HK1: variants seen among roughly 807,000 people sequenced by gnomAD.
HK1 encodes hexokinase-1.
HK1 carries 28 observed loss-of-function variants against 91.6 expected under a neutral mutation model. That is an observed-to-expected ratio of 0.31 (90% CI 0.23 to 0.42). The LOEUF (loss-of-function observed/expected upper bound fraction) is 0.42. Ranked by LOEUF, HK1 falls within the 10% of genes least tolerant of loss-of-function variation. The probability of loss-of-function intolerance (pLI) is 1.00; values close to 1 mark genes in which losing one functional copy is unlikely to be tolerated. For synonymous variants in HK1, 430 were observed against 468.1 expected (o/e 0.92, Z 1.05); for missense variants, 770 against 1,219.8 (o/e 0.63, Z 5.49).
intron 3 of HK1, among the ~76,000 whole-genome samples, chr10:69,291,290 A>G (rs1263822915): frequency 6.6e-6 from 1 of 152,220 alleles, no homozygotes; most frequent in Non-Finnish European, 1.5e-5. Flanking sequence ...TGGTGCTTGG[A>G]GGTCCAGGGA....
At position 69,272,637 on chromosome 10, in the gene HK1, T is replaced by C. The variant is rs375426467; in HGVS notation, c.-391+2529T>C. ...TTTGGGAAGTCAGTTATAATTCTTA[T>C]TACTGTTTTTCTGCAAGTTTTTTTT... On this transcript the variant is annotated intron_variant, in intron 1 of 21. Transcript: ENST00000360289. Among the ~76,000 whole-genome samples the C allele has an allele frequency of 9.6e-4, 127 of 132,834 alleles. 3 individuals carry two copies. In the South Asian group the frequency reaches 0.032, roughly 33 times the overall value. The allele number at this position is 132,834 out of a possible 152,430, so 87.1% of individuals were successfully genotyped here. A position where few individuals can be genotyped will look rare whatever the true frequency, so the allele number is the denominator to read the frequency against.
upstream of HK1, chr10:69,315,638 A>G (rs73265708): frequency 0.01 from 4,469 of 436,942 alleles, 143 homozygotes; most frequent in African/African-American, 0.069. Flanking sequence ...TGAAGTCAGC[A>G]CTGGAACAAC....
At chr10:69,398,320 G>A (rs1840232066) in intron 16 of HK1, among the ~76,000 whole-genome samples, 1 of 152,202 alleles carries the variant, frequency 6.6e-6, no homozygotes, top group African/African-American at 2.4e-5. Flanking sequence ...CATATCATGA[G>A]AAGCATACCA....
At chr10:69,341,143 A>AT (rs149050284) in intron 1 of HK1, among the ~76,000 whole-genome samples, 13,292 of 151,958 alleles carry the variant, frequency 0.087, 763 homozygotes, top group African/African-American at 0.16. Context: ...TCCTTTAAAA[A>AT]ATATATATAC....
At position 69,386,379 on chromosome 10, in the gene HK1, TGTA is replaced by T. The variant is rs778246321; in HGVS notation, c.1899_1901del (p.Val634del). 1 of 1,614,078 alleles carries T rather than the reference TGTA, an allele frequency of 6.2e-7. No homozygotes were observed. The highest frequency in any genetic ancestry group is 2.2e-5 in the East Asian group (1 of 44,886). ...AGGCAACAGACTGCGTGGGCCACGA[TGTA>T]GTCACCTTACTAAGGGATGCGATAA... On this transcript the variant is annotated inframe_deletion, in exon 13 of 18. Coordinates refer to ENST00000359426, the MANE Select transcript of HK1 (RefSeq NM_000188.3).
intron 13 of HK1, chr10:69,386,684 A>G (rs1444689724): frequency 2.7e-6 from 1 of 364,306 alleles, no homozygotes; most frequent in East Asian, 6.9e-5. Flanking sequence ...CGGGAGACTG[A>G]GGCAGAAGAA....
chr10:69,396,041 G>A (rs937757656), intron 16 of HK1, among the ~76,000 whole-genome samples: 1 of 152,164 alleles, frequency 6.6e-6, no homozygotes, highest in Non-Finnish European at 1.5e-5. Flanking sequence ...GGAGGCCAAA[G>A]CAGGTGAATC....
intron 1 of HK1, among the ~76,000 whole-genome samples, chr10:69,279,814 C>T (rs1048691153): frequency 6.6e-6 from 1 of 152,196 alleles, no homozygotes; most frequent in African/African-American, 2.4e-5. Context: ...TAACATTCTC[C>T]AGAATGTGGC....
intron 1 of HK1, among the ~76,000 whole-genome samples, chr10:69,321,841 T>C (rs955314772): frequency 2.0e-5 from 3 of 152,106 alleles, no homozygotes; most frequent in Admixed American, 6.6e-5. Flanking sequence ...TAATGGGTGC[T>C]GTTGAAGAGG....
At chr10:69,341,750 C>T (rs138466489) in intron 1 of HK1, among the ~76,000 whole-genome samples, 1 of 152,010 alleles carries the variant, frequency 6.6e-6, no homozygotes, top group Non-Finnish European at 1.5e-5. Flanking sequence ...GCCACCATGC[C>T]TGGCCTCTTC....
At chr10:69,386,302 C>G in intron 12 of HK1, 21 bp from the exon 13 acceptor site, 1 of 1,603,118 alleles carries the variant, frequency 6.2e-7, no homozygotes, top group African/African-American at 1.3e-5. Context: ...CAGGACTCTC[C>G]TGGTGCTTTT....
chr10:69,370,581 G>T lies in HK1; in HGVS notation c.875+957G>T, dbSNP rs1849945781. ...GAGCACTTACTATGTGCTGAGCTCT[G>T]TGCTAGGCTCTGAGGATCCAAAACA... On this transcript the variant is annotated intron_variant, in intron 7 of 17. Transcript: ENST00000359426. 3.9e-5 allele frequency among the ~76,000 whole-genome samples: 6 copies of T among 152,274 alleles called. No homozygotes were observed. In the South Asian group the frequency reaches 1.0e-3, roughly 26 times the overall value.
chr10:69,290,213 C>A (rs920730631), intron 3 of HK1, among the ~76,000 whole-genome samples: 1 of 152,158 alleles, frequency 6.6e-6, no homozygotes, highest in African/African-American at 2.4e-5. Context: ...CCATTTAAAT[C>A]ACTGCAGTGG....
intron 2 of HK1, among the ~76,000 whole-genome samples, chr10:69,344,661 G>A (rs1848458754): frequency 6.6e-6 from 1 of 152,224 alleles, no homozygotes; most frequent in Non-Finnish European, 1.5e-5. Flanking sequence ...AGGATTGTCT[G>A]TTTCTCCTCC....
In HK1 at chr10:69,401,612, T is replaced by C; in HGVS notation, c.*477T>C. The C allele has an allele frequency of 2.5e-6, 1 of 397,408 alleles. No homozygotes were observed. Among genetic ancestry groups the C allele is most frequent in the Non-Finnish European group, 4.9e-6 (1 of 202,378 alleles). 24.6% of individuals were successfully genotyped at this position (397,408 alleles called of 1,614,324 possible). A position where few individuals can be genotyped will look rare whatever the true frequency, so the allele number is the denominator to read the frequency against. On this transcript the variant is annotated 3_prime_UTR_variant, in exon 18 of 18. Coordinates refer to ENST00000359426, the MANE Select transcript of HK1 (RefSeq NM_000188.3). ...AGGCGAGTGTGGGCATAGCATTAGC[T>C]GCTTCCTCCCCTCCTGGCACCCACT...
chr10:69,284,782 GC>G (rs1272378653), intron 2 of HK1, among the ~76,000 whole-genome samples: 2 of 152,088 alleles, frequency 1.3e-5, no homozygotes, highest in Admixed American at 1.3e-4. Flanking sequence ...GGGATTACAG[GC>G]ACTCACCACC....
intron 5 of HK1, among the ~76,000 whole-genome samples, chr10:69,309,423 C>T (rs193203971): frequency 0.023 from 3,239 of 143,794 alleles, 46 homozygotes; most frequent in African/African-American, 0.039. Context: ...CCTTGTGATC[C>T]GCCTGCCTCG....
intron 2 of HK1, among the ~76,000 whole-genome samples, chr10:69,346,185 A>T (rs1391026573): frequency 6.6e-6 from 1 of 152,342 alleles, no homozygotes; most frequent in East Asian, 1.9e-4. Flanking sequence ...GTCTCTTAAT[A>T]GTAAATCCAT....
intron 1 of HK1, among the ~76,000 whole-genome samples, chr10:69,276,106 AAAAAAAAAAAAAATACATATAT>A (rs1168441894): frequency 4.4e-5 from 2 of 45,862 alleles, no homozygotes; most frequent in Non-Finnish European, 8.8e-5. Flanking sequence ...AAAAAAAAAA[AAAAAAAAAAAAAATACATATAT>A]ATATATATAT....
Sources: gnomAD v4.1 joint callset for allele counts (sites outside exome capture counted in the v4.1 genomes callset) on GRCh38, gnomAD v4.1.1 for gene constraint, MANE v1.5 for transcripts, NCBI Gene and HGNC (gene_info 2026-07-23, HGNC 2026-07-21) for gene names.